OTUD7A: variants seen among roughly 807,000 people sequenced by gnomAD.
OTUD7A encodes the protein OTU domain-containing protein 7A.
In OTUD7A, 12 loss-of-function variants were observed where a neutral mutation model predicts 65.7. The observed-to-expected ratio is 0.18, with a 90% CI of 0.12 to 0.30. The LOEUF is 0.30. OTUD7A is among the 10% of genes least tolerant of loss of function. The pLI, the probability that OTUD7A is intolerant of heterozygous loss-of-function variation, is 1.00. For synonymous variants in OTUD7A, 641 were observed against 586.3 expected, an observed-to-expected ratio of 1.09 and a Z score of -1.35; for missense variants, 1,148 against 1,304.8, an observed-to-expected ratio of 0.88 and a Z score of 1.85.
chr15:31,534,571 G>C (rs968362598), intron 5 of OTUD7A, among the ~76,000 whole-genome samples: 1 of 152,188 alleles, frequency 6.6e-6, no homozygotes, highest in Non-Finnish European at 1.5e-5. Context: ...TCAAGAGAAA[G>C]AAATAAAATC....
intron 3 of OTUD7A, among the ~76,000 whole-genome samples, chr15:31,615,303 T>C (rs1342426871): frequency 6.6e-6 from 1 of 152,180 alleles, no homozygotes; most frequent in Non-Finnish European, 1.5e-5. Flanking sequence ...ATGCAAACAC[T>C]AATCAAAAGA....
chr15:31,831,963 G>A (rs1409770123), intron 1 of OTUD7A, among the ~76,000 whole-genome samples: 1 of 152,100 alleles, frequency 6.6e-6, no homozygotes, highest in Non-Finnish European at 1.5e-5. Flanking sequence ...TGGCGGAAGG[G>A]CTGGGGCAGG....
chr15:31,831,725 G>A (rs1237812321), intron 1 of OTUD7A, among the ~76,000 whole-genome samples: 1 of 152,196 alleles, frequency 6.6e-6, no homozygotes, highest in African/African-American at 2.4e-5. Context: ...CTCCAAACTG[G>A]GAAGAGCCCA....
chr15:31,536,662 AACAAG>A (rs1887813040), intron 5 of OTUD7A, among the ~76,000 whole-genome samples: 1 of 143,134 alleles, frequency 7.0e-6, no homozygotes, highest in African/African-American at 3.0e-5. Flanking sequence ...TTCAGCTATT[AACAAG>A]AATGATGTCA....
chr15:31,797,573 G>A (rs1291412615), intron 1 of OTUD7A, among the ~76,000 whole-genome samples: 1 of 152,208 alleles, frequency 6.6e-6, no homozygotes, highest in Non-Finnish European at 1.5e-5. Flanking sequence ...GAGGGCCCAG[G>A]CCCCACCATG....
chr15:31,630,289 G>A (rs1477692032), intron 3 of OTUD7A, among the ~76,000 whole-genome samples: 3 of 149,428 alleles, frequency 2.0e-5, no homozygotes, highest in Non-Finnish European at 4.4e-5. Flanking sequence ...CTGGTATGTT[G>A]TGTCTTTGTT....
intron 1 of OTUD7A, among the ~76,000 whole-genome samples, chr15:31,821,302 CCTT>C (rs1871946330): frequency 7.4e-6 from 1 of 134,828 alleles, no homozygotes; most frequent in Non-Finnish European, 1.5e-5. Flanking sequence ...CGCCCAGGTA[CCTT>C]TTTTTTTTTT....
intron 1 of OTUD7A, among the ~76,000 whole-genome samples, chr15:31,750,461 T>C (rs1325093263): frequency 1.3e-5 from 2 of 149,030 alleles, no homozygotes; most frequent in African/African-American, 4.9e-5. Context: ...TTAACACTAT[T>C]GCTATCAAAT....
At chr15:31,748,358 T>G (rs1894535741) in intron 1 of OTUD7A, among the ~76,000 whole-genome samples, 1 of 151,642 alleles carries the variant, frequency 6.6e-6, no homozygotes, top group African/African-American at 2.4e-5. Context: ...TATATATTCA[T>G]AAATATGCAC....
intron 1 of OTUD7A, among the ~76,000 whole-genome samples, chr15:31,664,554 T>C (rs1289664446): frequency 1.3e-5 from 2 of 152,124 alleles, no homozygotes; most frequent in Non-Finnish European, 2.9e-5. Flanking sequence ...ATTCTGGATA[T>C]TAGTCCTTTG....
At chr15:31,696,787 G>A (rs572453133) in intron 1 of OTUD7A, among the ~76,000 whole-genome samples, 25 of 151,894 alleles carry the variant, frequency 1.6e-4, no homozygotes, top group African/African-American at 6.0e-4. Context: ...TGGAGGGCCT[G>A]GGGCTAGGTG....
At chr15:31,623,100 T>C (rs1469680851) in intron 3 of OTUD7A, among the ~76,000 whole-genome samples, 1 of 152,216 alleles carries the variant, frequency 6.6e-6, no homozygotes, top group African/African-American at 2.4e-5. Flanking sequence ...ACAGCGAATG[T>C]TGCTGCCTGA....
intron 8 of OTUD7A, among the ~76,000 whole-genome samples, chr15:31,516,526 T>C (rs1388968382): frequency 2.0e-5 from 3 of 152,126 alleles, no homozygotes; most frequent in Admixed American, 6.5e-5. Flanking sequence ...GCCTCAGTGT[T>C]GAAGGCAGCC....
intron 1 of OTUD7A, among the ~76,000 whole-genome samples, chr15:31,806,114 C>CCAAT (rs1402887690): frequency 7.9e-5 from 12 of 152,164 alleles, no homozygotes; most frequent in African/African-American, 2.9e-4. Context: ...TTGTTAGCTT[C>CCAAT]CAATCCTGAA....
intron 3 of OTUD7A, among the ~76,000 whole-genome samples, chr15:31,616,216 C>A (rs773079204): frequency 6.6e-6 from 1 of 152,206 alleles, no homozygotes; most frequent in Non-Finnish European, 1.5e-5. Context: ...GGCACCTTGG[C>A]TACTCTCTCC....
intron 3 of OTUD7A, among the ~76,000 whole-genome samples, chr15:31,585,703 T>A (rs1889513081): frequency 6.6e-6 from 1 of 152,206 alleles, no homozygotes. Context: ...TCTTATGTGC[T>A]CCAGAAAGAG....
chr15:31,730,451 C>G (rs939472072), intron 1 of OTUD7A, among the ~76,000 whole-genome samples: 2 of 152,202 alleles, frequency 1.3e-5, no homozygotes, highest in African/African-American at 2.4e-5. Flanking sequence ...AGAGTTCATC[C>G]ATCCCTGTCA....
intron 1 of OTUD7A, among the ~76,000 whole-genome samples, chr15:31,800,496 T>C (rs917620963): frequency 1.3e-5 from 2 of 152,166 alleles, no homozygotes; most frequent in Non-Finnish European, 2.9e-5. Context: ...CCCAGGATGC[T>C]GTGGGGCCAT....
intron 3 of OTUD7A, among the ~76,000 whole-genome samples, chr15:31,617,732 T>C (rs1890636663): frequency 1.3e-5 from 2 of 152,166 alleles, no homozygotes; most frequent in Admixed American, 1.3e-4. Flanking sequence ...TGGCTGCTGA[T>C]AGTCACAGTT....
Sources: gnomAD v4.1 joint callset for allele counts (sites outside exome capture counted in the v4.1 genomes callset) on GRCh38, gnomAD v4.1.1 for gene constraint, MANE v1.5 for transcripts, NCBI Gene and HGNC (gene_info 2026-07-23, HGNC 2026-07-21) for gene names.